CEP350: variants seen among roughly 807,000 people sequenced by gnomAD.
The protein encoded by CEP350 is centrosome-associated protein 350.
Under a neutral mutation model 331.8 loss-of-function variants are expected in CEP350, and 126 were observed. The observed-to-expected ratio is 0.38, with a 90% CI of 0.33 to 0.44. The LOEUF (loss-of-function observed/expected upper bound fraction) is 0.44, where lower values mean the gene tolerates loss of function less well. Among genes scored for constraint, CEP350 ranks in the 20% least tolerant of loss-of-function variants. The pLI, the probability that CEP350 is intolerant of heterozygous loss-of-function variation, is 1.00. For missense variants in CEP350, 3,406 were observed against 3,634.6 expected (o/e 0.94, Z 1.62); for synonymous variants, 1,200 against 1,259.5 (o/e 0.95, Z 1.00).
At chr1:180,034,146 C>G in intron 16 of CEP350, 64 bp downstream of exon 16, 1 of 1,500,312 alleles carries the variant, frequency 6.7e-7, no homozygotes, top group African/African-American at 1.4e-5. Flanking sequence ...TCTCAACATT[C>G]CTTTTCTTTG....
At position 180,034,036 on chromosome 1, in the gene CEP350, C is replaced by G; in HGVS notation, c.3900C>G (p.Asn1300Lys). 6.2e-7 allele frequency: 1 copy of G among 1,613,834 alleles called. No individual in the cohort carries two copies. The highest frequency in any genetic ancestry group is 1.3e-5 in the African/African-American group (1 of 75,030). ...CTAATGCACCTCTCACTGATCTGAA[C>G]CCGGCAGCCAGCAGAACAACGACAG... ...FKPNAPLTDL[N>K]PAASRTTTEN... The change falls in exon 16 of 38, where the codon AAC becomes AAG. Residue 1300 changes from asparagine to lysine, a missense_variant. Coordinates refer to ENST00000367607, the MANE Select transcript of CEP350 (RefSeq NM_014810.5).
In CEP350 at chr1:180,094,434, A is replaced by G; in HGVS notation, c.8329A>G (p.Arg2777Gly). ...TCAACTACAACAAATCAAAAAAACC[A>G]GGGATGAGAAAATCCAGCTTAGCAA... The part of the protein sequence containing the change: ...VNQLQQIKKT[R>G]DEKIQLSNQE... Residue 2777 changes from arginine to glycine, a missense_variant, in exon 34 of 38, where the codon AGG (arginine) becomes GGG (glycine). Physicochemically the swap from Arg to Gly is moderately radical, Grantham distance 125. Coordinates refer to ENST00000367607, the MANE Select transcript of CEP350 (RefSeq NM_014810.5). The G allele has an allele frequency of 6.2e-7, 1 of 1,613,846 alleles. No individual in the cohort carries two copies. The highest frequency in any genetic ancestry group is 2.2e-5 in the East Asian group (1 of 44,880).
Position 180,040,161 on chromosome 1 carries a change from A to G in CEP350, c.4111-977A>G, listed in dbSNP as rs1656665020. On this transcript the variant is annotated intron_variant, in intron 17 of 37. Transcript: ENST00000367607. ...CCTCCCCCCGCCACTGCCCGACTAA[A>G]TAACAGTAGTGTTGTCCAGTCATTG... Among the ~76,000 whole-genome samples the G allele has an allele frequency of 2.0e-5, 3 of 151,942 alleles. No homozygotes were observed. In the South Asian group the frequency reaches 6.2e-4, roughly 32 times the overall value.
At chr1:180,026,100 A>G (rs540844731) in intron 14 of CEP350, among the ~76,000 whole-genome samples, 2 of 151,942 alleles carry the variant, frequency 1.3e-5, no homozygotes, top group Admixed American at 6.6e-5. Context: ...ATGGTGAAAC[A>G]CCGTCTCTAA....
intron 27 of CEP350, among the ~76,000 whole-genome samples, chr1:180,068,489 A>C (rs1658677799): frequency 6.6e-6 from 1 of 152,142 alleles, no homozygotes; most frequent in African/African-American, 2.4e-5. Flanking sequence ...GTGAAATCTG[A>C]GTTTTATTAC....
intron 37 of CEP350, among the ~76,000 whole-genome samples, chr1:180,101,073 C>A (rs921268211): frequency 6.6e-6 from 1 of 152,166 alleles, no homozygotes; most frequent in East Asian, 1.9e-4. Flanking sequence ...TTCTCAAATA[C>A]TAAACAAAAT....
At position 180,020,442 on chromosome 1, in the gene CEP350, T is replaced by C; in HGVS notation, c.2668T>C (p.Ser890Pro). The change falls in exon 12 of 38, where the codon TCT becomes CCT. Residue 890 changes from serine to proline, a missense_variant. Ser to Pro is a moderately conservative substitution (Grantham distance 74, BLOSUM62 -1). Coordinates refer to ENST00000367607, the MANE Select transcript of CEP350 (RefSeq NM_014810.5). Reference sequence around the variant, plus strand: ...GAAAGATGATAATGAAGATGTTTTCTCTGCCAGAATTCAGAAGATGCTGGG... The same window carrying C: ...GAAAGATGATAATGAAGATGTTTTCCCTGCCAGAATTCAGAAGATGCTGGG... ...PVKDDNEDVF[S>P]ARIQKMLGSC... 1.9e-6 allele frequency: 3 copies of C among 1,613,996 alleles called. No homozygotes were observed. The highest frequency in any genetic ancestry group is 2.5e-6 in the Non-Finnish European group (3 of 1,179,892).
At position 180,032,622 on chromosome 1, in the gene CEP350, A is replaced by G. The variant is rs1371282133; in HGVS notation, c.3725+1128A>G. Among the ~76,000 whole-genome samples the G allele has an allele frequency of 2.0e-5, 3 of 151,950 alleles. No homozygotes were observed. In the East Asian group the frequency reaches 5.8e-4, roughly 29 times the overall value. ...AAGGAGAAGTCCAGATTTTTCAAAA[A>G]TTGTTTAACCTCTTTTTTTTTTTTC... is the stretch of plus-strand genomic sequence containing the variant. On this transcript the variant is annotated intron_variant, in intron 15 of 37. Coordinates refer to ENST00000367607, the MANE Select transcript of CEP350 (RefSeq NM_014810.5).
intron 1 of CEP350, among the ~76,000 whole-genome samples, chr1:179,966,709 C>T (rs1372625363): frequency 6.6e-6 from 1 of 152,134 alleles, no homozygotes; most frequent in Admixed American, 6.6e-5. Flanking sequence ...TAACTAGATC[C>T]AAGACAGTTA....
intron 21 of CEP350, among the ~76,000 whole-genome samples, chr1:180,046,219 A>G (rs1657106747): frequency 6.6e-6 from 1 of 152,222 alleles, no homozygotes; most frequent in Non-Finnish European, 1.5e-5. Flanking sequence ...AAAGAAACTC[A>G]GTAACCATTA....
intron 27 of CEP350, among the ~76,000 whole-genome samples, chr1:180,071,204 T>A (rs1658868586): frequency 7.0e-6 from 1 of 141,976 alleles, no homozygotes; most frequent in Non-Finnish European, 1.5e-5. Context: ...ATACCTGTAA[T>A]CCCACTACTT....
rs1558155773 is a variant in CEP350 at position 180,094,013 on chromosome 1, AACAG to A, written c.7912_7915del (p.Asp2638MetfsTer48). 6.2e-7 allele frequency: 1 copy of A among 1,613,820 alleles called. No individual in the cohort carries two copies. Among genetic ancestry groups the A allele is most frequent in the East Asian group, 2.2e-5 (1 of 44,864 alleles). On this transcript the variant is annotated frameshift_variant, in exon 34 of 38. Transcript: ENST00000367607. LOFTEE classifies it high-confidence loss of function. ...ATAGAAGTAGAAGCCTTAAAATAGA[AACAG>A]ACAATGTACAGGACATTTCTGGGGT...
rs1349899592 is a variant in CEP350 at position 179,991,741 on chromosome 1, TG to T, written c.236-318del. Among the ~76,000 whole-genome samples, 3 of 147,984 alleles carry T rather than the reference TG, an allele frequency of 2.0e-5. No individual in the cohort carries two copies. The East Asian group carries it at 6.0e-4, about 30-fold the overall frequency. ...TATATATATACATTTTTTTTTAACC[TG>T]GGAGTTTGTTAGGTTGTATATGATA... On this transcript the variant is annotated intron_variant, in intron 4 of 37. Coordinates refer to ENST00000367607, the MANE Select transcript of CEP350 (RefSeq NM_014810.5).
intron 37 of CEP350, among the ~76,000 whole-genome samples, chr1:180,099,780 A>ATTT (rs200255438): frequency 0.012 from 1,463 of 119,338 alleles, 32 homozygotes; most frequent in South Asian, 0.046. Context: ...GCCTTATTTG[A>ATTT]TTTTTTTTTT....
intron 8 of CEP350, among the ~76,000 whole-genome samples, chr1:180,010,445 A>C (rs978242344): frequency 1.5e-5 from 2 of 136,206 alleles, no homozygotes; most frequent in African/African-American, 2.7e-5. Context: ...ACCCACTTAT[A>C]TTTCAGCAAG....
chr1:179,958,796 C>T (rs1399617596), intron 1 of CEP350, among the ~76,000 whole-genome samples: 1 of 152,002 alleles, frequency 6.6e-6, no homozygotes, highest in African/African-American at 2.4e-5. Flanking sequence ...GAAGAATGTT[C>T]ATGATATAAA....
rs566308726 is a variant in CEP350, at chr1:180,003,665, T to G, written c.1132+378T>G. On this transcript the variant is annotated intron_variant, in intron 7 of 37. Transcript: ENST00000367607. ...GTAAGATACTTACATGAGAGCAAGA[T>G]ACCAAAAGAAAAATAAGTATTATAG... 8.2e-4 allele frequency among the ~76,000 whole-genome samples: 125 copies of G among 152,182 alleles called. 2 individuals carry two copies. Among genetic ancestry groups the G allele is most frequent in the African/African-American group, 2.9e-3 (120 of 41,510 alleles).
intron 23 of CEP350, 118 bp downstream of exon 23, chr1:180,053,284 C>A (rs1472799298): frequency 1.9e-6 from 1 of 528,806 alleles, no homozygotes; most frequent in Non-Finnish European, 3.2e-6. Context: ...TCTAAGATAT[C>A]AGTTTTATTT....
chr1:180,009,225 G>A (rs1654458952), intron 8 of CEP350, among the ~76,000 whole-genome samples: 2 of 152,212 alleles, frequency 1.3e-5, no homozygotes, highest in Admixed American at 6.5e-5. Flanking sequence ...GGCCAGGATG[G>A]TCTTGAACTC....
Sources: gnomAD v4.1 joint callset for allele counts (sites outside exome capture counted in the v4.1 genomes callset) on GRCh38, gnomAD v4.1.1 for gene constraint, MANE v1.5 for transcripts, NCBI Gene and HGNC (gene_info 2026-07-23, HGNC 2026-07-21) for gene names.